Variants in TENM3 observed in about 807,000 individuals in gnomAD.
TENM3 encodes the protein teneurin transmembrane protein 3.
TENM3 carries 63 observed loss-of-function variants against 255.1 expected under a neutral mutation model. The ratio of observed to expected loss-of-function variants is 0.25; its 90% CI spans 0.20 to 0.30. TENM3 has a LOEUF of 0.30. TENM3 is among the 10% of genes least tolerant of loss of function. The probability of loss-of-function intolerance (pLI) is 1.00; values close to 1 mark genes in which losing one functional copy is unlikely to be tolerated. For missense variants in TENM3, 2,929 were observed against 3,461.1 expected, an observed-to-expected ratio of 0.85 and a Z score of 3.86; for synonymous variants, 1,306 against 1,322.3, an observed-to-expected ratio of 0.99 and a Z score of 0.27.
At chr4:181,622,907 C>A in the TENM3 span, among the ~76,000 whole-genome samples, 1 of 152,136 alleles carries the variant, frequency 6.6e-6, no homozygotes, top group Non-Finnish European at 1.5e-5. Flanking sequence ...TAATTCTTAA[C>A]TGAGGTACAC....
At chr4:181,690,613 C>T in the TENM3 span, among the ~76,000 whole-genome samples, 12 of 151,584 alleles carry the variant, frequency 7.9e-5, no homozygotes, top group African/African-American at 2.9e-4. Flanking sequence ...AAAAGCTTTG[C>T]TCATTCAAAC....
chr4:182,020,235 G>A, the TENM3 span, among the ~76,000 whole-genome samples: 1 of 151,826 alleles, frequency 6.6e-6, no homozygotes, highest in African/African-American at 2.4e-5. Flanking sequence ...GCGTGGTGGT[G>A]GGAGCCTGTA....
At chr4:182,356,531 T>C (rs1765545442) in intron 3 of TENM3, among the ~76,000 whole-genome samples, 1 of 151,790 alleles carries the variant, frequency 6.6e-6, no homozygotes, top group Admixed American at 6.6e-5. Flanking sequence ...TGGAGGACAT[T>C]TCAGCATCTT....
the TENM3 span, among the ~76,000 whole-genome samples, chr4:181,519,583 A>G: frequency 6.6e-6 from 1 of 152,214 alleles, no homozygotes; most frequent in Non-Finnish European, 1.5e-5. Context: ...AGGCATAATT[A>G]TGTTGGATTA....
chr4:182,318,175 ATGGAAGCATGAG>A (rs961214438), intron 1 of TENM3, among the ~76,000 whole-genome samples: 22 of 152,192 alleles, frequency 1.4e-4, no homozygotes, highest in African/African-American at 4.8e-4. Context: ...ACAGATAAAA[ATGGAAGCATGAG>A]TGAGTTTCAT....
chr4:181,871,202 T>A, the TENM3 span, among the ~76,000 whole-genome samples: 43 of 152,146 alleles, frequency 2.8e-4, no homozygotes, highest in African/African-American at 9.9e-4. Context: ...TTATTCTTCT[T>A]TTTCATGAAC....
intron 1 of TENM3, among the ~76,000 whole-genome samples, chr4:182,260,199 G>A (rs1758690514): frequency 6.6e-6 from 1 of 152,164 alleles, no homozygotes; most frequent in African/African-American, 2.4e-5. Context: ...GGATAAACAT[G>A]GGAGCACAGA....
the TENM3 span, among the ~76,000 whole-genome samples, chr4:181,496,018 G>T: frequency 1.3e-5 from 2 of 151,836 alleles, no homozygotes; most frequent in South Asian, 4.2e-4. Context: ...GTGGCTACCA[G>T]CAAAGTATCA....
rs117040524 is a variant in TENM3 at position 182,678,713 on chromosome 4, C to A, written c.1327-953C>A. 9.3e-4 allele frequency among the ~76,000 whole-genome samples: 141 copies of A among 152,248 alleles called. 2 individuals are homozygous for A. In the East Asian group the frequency reaches 0.024, roughly 25 times the overall value. On this transcript the variant is annotated intron_variant, in intron 7 of 27. Transcript: ENST00000511685. ...CGAGGGTTCCTATGAGGAACCAGCA[C>A]GGAGTAAGGATTCAACAGTAGTTGT...
chr4:182,087,719 T>C, the TENM3 span, among the ~76,000 whole-genome samples: 278 of 152,226 alleles, frequency 1.8e-3, no homozygotes, highest in Middle Eastern at 6.8e-3. Flanking sequence ...ACTTGACCCT[T>C]GGCACACATT....
intron 1 of TENM3, among the ~76,000 whole-genome samples, chr4:182,294,150 A>G (rs1761310252): frequency 6.6e-6 from 1 of 152,156 alleles, no homozygotes; most frequent in Non-Finnish European, 1.5e-5. Flanking sequence ...AAAAAATGTC[A>G]TCGCTTAAGA....
intron 1 of TENM3, chr4:182,169,143 T>C (rs1579582954): frequency 4.8e-6 from 2 of 413,628 alleles, no homozygotes; most frequent in Non-Finnish European, 9.6e-6. Flanking sequence ...GATCTGTACA[T>C]TTGACCACTA....
chr4:181,505,454 T>G, the TENM3 span, among the ~76,000 whole-genome samples: 1 of 152,264 alleles, frequency 6.6e-6, no homozygotes, highest in East Asian at 1.9e-4. Context: ...GAGAACCTAT[T>G]TATTTTCTTT....
At chr4:181,523,237 G>C in the TENM3 span, among the ~76,000 whole-genome samples, 2 of 152,032 alleles carry the variant, frequency 1.3e-5, no homozygotes, top group Non-Finnish European at 2.9e-5. Flanking sequence ...ATAAAACCCA[G>C]AACTTGGACT....
At chr4:182,774,548 T>G (rs1358863316) in intron 23 of TENM3, among the ~76,000 whole-genome samples, 3 of 152,226 alleles carry the variant, frequency 2.0e-5, no homozygotes, top group African/African-American at 7.2e-5. Flanking sequence ...GAGGGAAGTC[T>G]TCCAAGACCT....
chr4:182,794,573 C>A (rs906281865), intron 26 of TENM3, among the ~76,000 whole-genome samples: 2 of 152,234 alleles, frequency 1.3e-5, no homozygotes, highest in Non-Finnish European at 2.9e-5. Flanking sequence ...CTTCTTACAT[C>A]ACTGTCTTCA....
chr4:182,416,971 T>G lies in TENM3; in HGVS notation c.511+70042T>G, dbSNP rs545106214. 7.2e-4 allele frequency among the ~76,000 whole-genome samples: 109 copies of G among 152,082 alleles called. 2 individuals are homozygous for G. In the South Asian group the frequency reaches 0.022, roughly 30 times the overall value. On this transcript the variant is annotated intron_variant, in intron 3 of 27. Transcript: ENST00000511685. ...CTAAGGTGGTCAATTTACATTTTCT[T>G]TGTTGTTGTTGTTTTTTTCTGAGAC...
chr4:182,447,079 T>G (rs936374201), intron 3 of TENM3, among the ~76,000 whole-genome samples: 2 of 152,216 alleles, frequency 1.3e-5, no homozygotes, highest in African/African-American at 4.8e-5. Context: ...ACTTCAAAAT[T>G]TATACAGTGT....
chr4:182,596,389 G>C (rs1368264959), intron 3 of TENM3, among the ~76,000 whole-genome samples: 5 of 152,124 alleles, frequency 3.3e-5, no homozygotes, highest in African/African-American at 9.7e-5. Flanking sequence ...GCTGAGCAGG[G>C]GACATGAGCC....
Sources: allele counts gnomAD v4.1 joint callset (sites outside exome capture counted in the v4.1 genomes callset), GRCh38; gene constraint gnomAD v4.1.1; transcripts MANE v1.5; gene names NCBI Gene and HGNC (gene_info 2026-07-23, HGNC 2026-07-21).